CDH1: variants seen among roughly 807,000 people sequenced by gnomAD.
CDH1 encodes the protein cadherin-1.
A neutral mutation model predicts 84.5 loss-of-function variants in CDH1; 35 were observed. The observed-to-expected ratio is 0.41, with a 90% confidence interval of 0.32 to 0.55. The LOEUF (loss-of-function observed/expected upper bound fraction) is 0.55. Ranked by LOEUF, CDH1 falls within the 20% of genes least tolerant of loss-of-function variation. The probability of loss-of-function intolerance (pLI) is 0.19; values close to 1 mark genes in which losing one functional copy is unlikely to be tolerated. For missense variants in CDH1, 994 were observed against 1,126.6 expected (o/e 0.88, Z 1.68); for synonymous variants, 417 against 439.0 (o/e 0.95, Z 0.63).
At position 68,737,333 on chromosome 16, in the gene CDH1, T is replaced by C. The variant is rs1962417789; in HGVS notation, c.-83T>C. ...CAAAGCACCTGTGAGCTTGCGGAAG[T>C]CAGTTCAGACTCCAGCCCGCTCCAG... On this transcript the variant is annotated 5_prime_UTR_variant, in exon 1 of 16. Transcript: ENST00000261769. 8.5e-7 allele frequency: 1 copy of C among 1,181,386 alleles called. No individual in the cohort carries two copies. Among genetic ancestry groups the C allele is most frequent in the Non-Finnish European group, 1.2e-6 (1 of 843,932 alleles). The allele number at this position is 1,181,386 out of a possible 1,614,324, so 73.2% of individuals were successfully genotyped here.
intron 2 of CDH1, among the ~76,000 whole-genome samples, chr16:68,749,018 A>T (rs1454295088): frequency 6.6e-6 from 1 of 152,130 alleles, no homozygotes; most frequent in Non-Finnish European, 1.5e-5. Flanking sequence ...TTGTGCTTTT[A>T]ATAGAGACGG....
chr16:68,781,764 C>T (rs143145676), intron 2 of CDH1, among the ~76,000 whole-genome samples: 279 of 152,226 alleles, frequency 1.8e-3, no homozygotes, highest in African/African-American at 6.3e-3. Flanking sequence ...GCAATCATGC[C>T]GGGCCCCCTC....
At chr16:68,789,917 A>G (rs1960163217) in intron 2 of CDH1, among the ~76,000 whole-genome samples, 1 of 152,110 alleles carries the variant, frequency 6.6e-6, no homozygotes, top group South Asian at 2.1e-4. Context: ...TTAACCGGGC[A>G]TGGTGGCGCA....
At position 68,800,212 on chromosome 16, in the gene CDH1, TAA is replaced by T. The variant is rs1489678978; in HGVS notation, c.164-1457_164-1456del. ...TTTAAAAAAAAAAAAACCAAGGCCTTAATAGGGTCTCTCCAGAGAGAGGAAGA... is the reference window on the plus strand; with the variant it reads ...TTTAAAAAAAAAAAAACCAAGGCCTTTAGGGTCTCTCCAGAGAGAGGAAGA... On this transcript the variant is annotated intron_variant, in intron 2 of 15. Coordinates refer to ENST00000261769, the MANE Select transcript of CDH1 (RefSeq NM_004360.5). 6.1e-4 allele frequency among the ~76,000 whole-genome samples: 91 copies of T among 149,790 alleles called. 1 individual carries two copies. Among genetic ancestry groups the T allele is most frequent in the African/African-American group, 2.2e-3 (88 of 40,918 alleles).
intron 13 of CDH1, among the ~76,000 whole-genome samples, chr16:68,827,799 A>G (rs1961360358): frequency 6.6e-6 from 1 of 151,944 alleles, no homozygotes; most frequent in Non-Finnish European, 1.5e-5. Flanking sequence ...TGCTACAGCC[A>G]TGCTGGCCTC....
At chr16:68,830,201 C>G (rs1312715726) in intron 15 of CDH1, among the ~76,000 whole-genome samples, 1 of 151,976 alleles carries the variant, frequency 6.6e-6, no homozygotes, top group Non-Finnish European at 1.5e-5. Context: ...GATCCACCTG[C>G]CTTGGCCTCC....
chr16:68,812,320 CTAAG>C, intron 8 of CDH1, 57 bp downstream of exon 8: 1 of 1,575,062 alleles, frequency 6.3e-7, no homozygotes. Context: ...TGTTCATGAA[CTAAG>C]TGTCACCACT....
intron 15 of CDH1, among the ~76,000 whole-genome samples, chr16:68,830,914 A>G (rs1443012024): frequency 6.6e-6 from 1 of 152,094 alleles, no homozygotes; most frequent in African/African-American, 2.4e-5. Context: ...AAGATGAGAA[A>G]GAACCCAGTA....
At chr16:68,808,050 G>C (rs964417644) in intron 3 of CDH1, among the ~76,000 whole-genome samples, 2 of 152,194 alleles carry the variant, frequency 1.3e-5, no homozygotes, top group African/African-American at 2.4e-5. Flanking sequence ...CCCAGCCTCA[G>C]TGATAGAGCC....
chr16:68,804,315 G>A (rs996755369), intron 3 of CDH1, among the ~76,000 whole-genome samples: 9 of 151,622 alleles, frequency 5.9e-5, no homozygotes, highest in South Asian at 2.1e-4. Context: ...GGGTTTCACC[G>A]TGTTAGCCAG....
intron 2 of CDH1, among the ~76,000 whole-genome samples, chr16:68,792,900 G>C (rs970374960): frequency 1.3e-5 from 2 of 152,198 alleles, no homozygotes; most frequent in Non-Finnish European, 2.9e-5. Context: ...TCCAGGCAGC[G>C]TTCGTTGTTG....
chr16:68,799,679 A>G (rs576530067), intron 2 of CDH1, among the ~76,000 whole-genome samples: 3 of 152,276 alleles, frequency 2.0e-5, no homozygotes, highest in African/African-American at 7.2e-5. Flanking sequence ...GATTATAGGT[A>G]TAATCTATCT....
intron 2 of CDH1, among the ~76,000 whole-genome samples, chr16:68,752,847 C>T (rs1056927122): frequency 3.9e-5 from 6 of 152,170 alleles, no homozygotes; most frequent in African/African-American, 1.4e-4. Context: ...TCTGAGCCCG[C>T]CAGAGCCATC....
chr16:68,739,720 T>C (rs7197451), intron 2 of CDH1, among the ~76,000 whole-genome samples: 121,449 of 150,712 alleles, frequency 0.81, 49,694 homozygotes, highest in Non-Finnish European at 0.89. Context: ...GTTCAAGTGA[T>C]TCTCCTGCCT....
chr16:68,751,609 TCTC>T (rs1962884711), intron 2 of CDH1, among the ~76,000 whole-genome samples: 1 of 151,916 alleles, frequency 6.6e-6, no homozygotes, highest in South Asian at 2.1e-4. Flanking sequence ...TTCAAGCAGT[TCTC>T]CTGCCTCAGC....
At chr16:68,755,760 ATT>A (rs34523825) in intron 2 of CDH1, among the ~76,000 whole-genome samples, 189 of 122,414 alleles carry the variant, frequency 1.5e-3, no homozygotes, top group African/African-American at 1.4e-3. Context: ...AGTTTTCTAA[ATT>A]TTTTTTTTTT....
intron 10 of CDH1, 114 bp downstream of exon 10, chr16:68,815,873 A>G: frequency 1.6e-6 from 2 of 1,237,088 alleles, no homozygotes; most frequent in Middle Eastern, 2.7e-4. Context: ...GTACAAGACC[A>G]TTCTCTTAAT....
chr16:68,737,543 C>G (rs1288444528), intron 1 of CDH1, 80 bp downstream of exon 1: 3 of 1,235,260 alleles, frequency 2.4e-6, no homozygotes, highest in Middle Eastern at 2.6e-4. Context: ...CTTCCTCTCC[C>G]GTCGTCACCG....
intron 2 of CDH1, among the ~76,000 whole-genome samples, chr16:68,771,987 T>C (rs2152120882): frequency 6.6e-6 from 1 of 152,190 alleles, no homozygotes; most frequent in East Asian, 1.9e-4. Flanking sequence ...TATTTCTGTT[T>C]TGCATATGAG....
Sources: allele counts gnomAD v4.1 joint callset (sites outside exome capture counted in the v4.1 genomes callset), GRCh38; gene constraint gnomAD v4.1.1; transcripts MANE v1.5; gene names NCBI Gene and HGNC (gene_info 2026-07-23, HGNC 2026-07-21).